Variants in KLF8 observed in about 807,000 individuals in gnomAD.
The protein encoded by KLF8 is Krueppel-like factor 8.
Under a neutral mutation model 18.2 loss-of-function variants are expected in KLF8, and 10 were observed. The ratio of observed to expected loss-of-function variants is 0.55; its 90% CI spans 0.34 to 0.93. The LOEUF (loss-of-function observed/expected upper bound fraction) is 0.93. Ranked by LOEUF, KLF8 falls within the 40% of genes least tolerant of loss-of-function variation. KLF8 has a pLI of 0.02. For missense variants in KLF8, 264 were observed against 277.9 expected (o/e 0.95, Z 0.36); for synonymous variants, 109 against 97.3 (o/e 1.12, Z -0.71).
the KLF8 span, among the ~76,000 whole-genome samples, chrX:56,090,595 G>C: frequency 2.7e-5 from 3 of 111,646 alleles, no homozygotes; most frequent in Admixed American, 2.9e-4. Flanking sequence ...TTATATACCT[G>C]TTGGCCATAG....
chrX:56,050,821 C>T, the KLF8 span, among the ~76,000 whole-genome samples: 108 of 109,772 alleles, frequency 9.8e-4, no homozygotes, highest in African/African-American at 3.5e-3. Flanking sequence ...CCTGGGTATC[C>T]TTGTTGACTT....
At chrX:55,971,583 T>A in the KLF8 span, among the ~76,000 whole-genome samples, 1 of 110,301 alleles carries the variant, frequency 9.1e-6, no homozygotes, top group Non-Finnish European at 1.9e-5. Flanking sequence ...TTTAAAAAGC[T>A]GTACAGCAAA....
the KLF8 span, among the ~76,000 whole-genome samples, chrX:56,160,923 C>A: frequency 9.0e-6 from 1 of 111,104 alleles, no homozygotes; most frequent in Non-Finnish European, 1.9e-5. Flanking sequence ...TGAATTTGAT[C>A]CTGTCATTAT....
chrX:56,008,706 A>G, the KLF8 span, among the ~76,000 whole-genome samples: 1 of 111,938 alleles, frequency 8.9e-6, no homozygotes, highest in Non-Finnish European at 1.9e-5. Context: ...CCTGGGGTGA[A>G]GGGCAGCACC....
the KLF8 span, among the ~76,000 whole-genome samples, chrX:56,073,053 T>C: frequency 1.1e-4 from 12 of 108,399 alleles, no homozygotes; most frequent in Non-Finnish European, 1.9e-4. Context: ...GTGGCGCGAT[T>C]TCGGCTCACT....
chrX:56,077,589 T>G, the KLF8 span, among the ~76,000 whole-genome samples: 3 of 112,005 alleles, frequency 2.7e-5, no homozygotes, highest in Admixed American at 9.4e-5. Context: ...GCCTCCACCT[T>G]TATTCTGTTG....
the KLF8 span, among the ~76,000 whole-genome samples, chrX:55,949,333 C>CTGTGTGTGTG: frequency 7.9e-5 from 7 of 88,178 alleles, no homozygotes; most frequent in East Asian, 4.0e-4. Flanking sequence ...TTTTCATATG[C>CTGTGTGTGTG]TGTGTGTGTG....
At chrX:56,118,195 C>T in the KLF8 span, among the ~76,000 whole-genome samples, 1 of 111,565 alleles carries the variant, frequency 9.0e-6, no homozygotes, top group African/African-American at 3.3e-5. Context: ...AGACAGTTAA[C>T]ATTTCTCATA....
At chrX:56,228,896 G>C (rs1297012861), upstream of KLF8, among the ~76,000 whole-genome samples, 2 of 111,642 alleles carry the variant, frequency 1.8e-5, no homozygotes, top group Non-Finnish European at 3.8e-5. Context: ...ACAAACAACA[G>C]TGATTTAATG....
the KLF8 span, among the ~76,000 whole-genome samples, chrX:56,040,208 A>G: frequency 9.0e-6 from 1 of 111,382 alleles, no homozygotes; most frequent in East Asian, 2.8e-4. Flanking sequence ...CAATTTGTAT[A>G]CCCTTTATTT....
chrX:56,162,335 T>A, the KLF8 span, among the ~76,000 whole-genome samples: 4 of 112,283 alleles, frequency 3.6e-5, no homozygotes, highest in Non-Finnish European at 7.5e-5. Flanking sequence ...AGTTTTCTGC[T>A]GCCTTTTGTT....
the KLF8 span, among the ~76,000 whole-genome samples, chrX:55,988,425 G>A: frequency 4.5e-5 from 5 of 112,076 alleles, no homozygotes; most frequent in South Asian, 1.5e-3. Flanking sequence ...CATATGGCTA[G>A]CCAGTTTTCC....
At chrX:55,999,285 A>ATTTTTTTTTTTTTTTTTTTTTTTTTTTTT in the KLF8 span, among the ~76,000 whole-genome samples, 19 of 33,564 alleles carry the variant, frequency 5.7e-4, 3 homozygotes, top group East Asian at 2.0e-3. Flanking sequence ...ATGCCTCCAG[A>ATTTTTTTTTTTTTTTTTTTTTTTTTTTTT]TTTTTTTTTT....
At chrX:56,268,593 C>A in intron 3 of KLF8, 1 of 397,547 alleles carries the variant, frequency 2.5e-6, no homozygotes, top group Non-Finnish European at 3.2e-6. Flanking sequence ...CATACATGCA[C>A]AAACATGCAC....
chrX:56,040,551 A>C, the KLF8 span, among the ~76,000 whole-genome samples: 1 of 111,611 alleles, frequency 9.0e-6, no homozygotes, highest in Non-Finnish European at 1.9e-5. Context: ...GTGTTGAACC[A>C]ACCTTGCATC....
chrX:56,050,305 G>A, the KLF8 span, among the ~76,000 whole-genome samples: 1 of 111,237 alleles, frequency 9.0e-6, no homozygotes, highest in East Asian at 2.8e-4. Context: ...CTTGCCTTCT[G>A]CTAGCTTTTG....
the KLF8 span, among the ~76,000 whole-genome samples, chrX:55,989,828 G>T: frequency 1.8e-5 from 2 of 111,127 alleles, no homozygotes; most frequent in Non-Finnish European, 3.8e-5. Flanking sequence ...GAATCCATCT[G>T]GTCCTGGACT....
At position 56,240,965 on chromosome X, in the gene KLF8, C is replaced by T. The variant is rs1185440807; in HGVS notation, c.7+7624C>T. Among the ~76,000 whole-genome samples, 6 of 108,575 alleles carry T rather than the reference C, an allele frequency of 5.5e-5. No individual in the cohort carries two copies. The Admixed American group carries it at 5.8e-4, about 11-fold the overall frequency. The allele number at this position is 108,575 out of a possible 115,157, so 94.3% of individuals were successfully genotyped here. A position where few individuals can be genotyped will look rare whatever the true frequency, so the allele number is the denominator to read the frequency against. The stretch of plus-strand genomic sequence containing the variant: ...CGTTTACCTATGTAACAAACCTGCA[C>T]GTCCTGCACATGTACCTCAAACTTT... On this transcript the variant is annotated intron_variant, in intron 1 of 5. Coordinates refer to ENST00000468660, the MANE Select transcript of KLF8 (RefSeq NM_007250.5).
At chrX:55,910,539 G>C in the KLF8 span, among the ~76,000 whole-genome samples, 2 of 111,874 alleles carry the variant, frequency 1.8e-5, no homozygotes, top group Non-Finnish European at 3.8e-5. Context: ...TCAAAGAATA[G>C]TAAGAAGGTC....
Sources: allele counts gnomAD v4.1 joint callset (sites outside exome capture counted in the v4.1 genomes callset), GRCh38; gene constraint gnomAD v4.1.1; transcripts MANE v1.5; gene names NCBI Gene and HGNC (gene_info 2026-07-23, HGNC 2026-07-21).